The following PPARD variants were observed in gnomAD, a reference collection of about 807,000 sequenced individuals.
PPARD encodes peroxisome proliferator activated receptor delta.
PPARD carries 6 observed loss-of-function variants against 39.5 expected under a neutral mutation model. The ratio of observed to expected loss-of-function variants is 0.15; its 90% CI spans 0.08 to 0.30. PPARD has a LOEUF of 0.30. Ranked by LOEUF, PPARD falls within the 10% of genes least tolerant of loss-of-function variation. PPARD has a pLI of 1.00. For missense variants in PPARD, 397 were observed against 596.8 expected, an observed-to-expected ratio of 0.67 and a Z score of 3.49; for synonymous variants, 210 against 231.3, an observed-to-expected ratio of 0.91 and a Z score of 0.83.
rs60918770 is a variant in PPARD, at chr6:35,415,779, T to TGTGTGTGTGTGTGTGTGTGTGTGTGTGG, written c.131-4324_131-4323insGTGGGTGTGTGTGTGTGTGTGTGTGTGT. ...CAGGGTTCTCCAGAGAAGGAGAACCTGTGTGTGTGTGTGTGTGTGTGTGTT... is the reference window on the plus strand; with the variant it reads ...CAGGGTTCTCCAGAGAAGGAGAACCTGTGTGTGTGTGTGTGTGTGTGTGTGTGGGTGTGTGTGTGTGTGTGTGTGTGTT... On this transcript the variant is annotated intron_variant, in intron 3 of 7. Transcript: ENST00000360694. Among the ~76,000 whole-genome samples, 84 of 99,624 alleles carry TGTGTGTGTGTGTGTGTGTGTGTGTGTGG rather than the reference T, an allele frequency of 8.4e-4. 1 individual carries two copies. Among genetic ancestry groups the TGTGTGTGTGTGTGTGTGTGTGTGTGTGG allele is most frequent in the African/African-American group, 3.9e-3 (69 of 17,476 alleles). The allele number at this position is 99,624 out of a possible 152,430, so 65.4% of individuals were successfully genotyped here. A position where few individuals can be genotyped will look rare whatever the true frequency, so the allele number is the denominator to read the frequency against.
intron 2 of PPARD, among the ~76,000 whole-genome samples, chr6:35,395,122 A>G (rs1341459991): frequency 2.0e-5 from 3 of 152,228 alleles, no homozygotes; most frequent in Non-Finnish European, 4.4e-5. Flanking sequence ...ATTGGATTTC[A>G]GATGCATTGA....
chr6:35,423,054 CAAAAAAA>C (rs56317397), intron 5 of PPARD, among the ~76,000 whole-genome samples: 7,452 of 71,664 alleles, frequency 0.1, 264 homozygotes, highest in East Asian at 0.32. Flanking sequence ...CTCATCTCTA[CAAAAAAA>C]AAAAAAAAAA....
At position 35,424,201 on chromosome 6, in the gene PPARD, G is replaced by C. The variant is rs1766414284; in HGVS notation, c.627+53G>C. 7 of 1,603,286 alleles carry C rather than the reference G, an allele frequency of 4.4e-6. No individual in the cohort carries two copies. The highest frequency in any genetic ancestry group is 1.1e-5 in the South Asian group (1 of 90,434). On this transcript the variant is annotated intron_variant, in intron 6 of 7. Coordinates refer to ENST00000360694, the MANE Select transcript of PPARD (RefSeq NM_006238.5). The surrounding 1 kb of genome is among the most constrained non-coding windows in gnomAD (Gnocchi z 7.1). ...AGCATCCTGGGCTCTGGGTCCCACTGCCGCCTGCCTGACTCCGGGAGAGCC... is the reference window on the plus strand; with the variant it reads ...AGCATCCTGGGCTCTGGGTCCCACTCCCGCCTGCCTGACTCCGGGAGAGCC...
rs770284961 is a variant in PPARD, at chr6:35,411,165, C to T, written c.78C>T (p.Ala26=). 1 of 1,574,340 alleles carries T rather than the reference C, an allele frequency of 6.4e-7. No individual in the cohort carries two copies. Among genetic ancestry groups the T allele is most frequent in the Non-Finnish European group, 8.6e-7 (1 of 1,158,682 alleles). The change falls in exon 3 of 8, where the codon GCC becomes GCT. Residue 26 remains alanine (A), a synonymous_variant. Transcript: ENST00000360694. ...EKEEVAEAEG[A]PELNGGPQHA... is the part of the protein sequence containing the mutation. ...AGGAAGTGGCAGAGGCAGAAGGAGCCCCAGAGCTCAATGGGGGACCACAGC... is the reference window on the plus strand; with the variant it reads ...AGGAAGTGGCAGAGGCAGAAGGAGCTCCAGAGCTCAATGGGGGACCACAGC...
At chr6:35,422,798 C>T (rs747545206) in intron 5 of PPARD, among the ~76,000 whole-genome samples, 5 of 152,016 alleles carry the variant, frequency 3.3e-5, no homozygotes, top group East Asian at 1.9e-4. Context: ...CAGGAGAAGT[C>T]GAATTCGTAT....
In PPARD at chr6:35,363,662, G is replaced by A. The variant is rs182182707; in HGVS notation, c.-102+16512G>A. Among the ~76,000 whole-genome samples the A allele has an allele frequency of 1.1e-3, 170 of 152,232 alleles. No individual in the cohort carries two copies. Among genetic ancestry groups the A allele is most frequent in the African/African-American group, 3.6e-3 (148 of 41,540 alleles). ...CAAGAGTCAGAAAGTGGGAAGTCAC[G>A]GGGGAGATGAAGGGCGAGTGAGCAG... On this transcript the variant is annotated intron_variant, in intron 2 of 7. Transcript: ENST00000360694. This position sits in a 1 kb window ranked among gnomAD's most constrained non-coding sequence, Gnocchi z 4.5.
intron 2 of PPARD, among the ~76,000 whole-genome samples, chr6:35,407,681 TAAATA>T (rs538794690): frequency 0.014 from 2,044 of 147,776 alleles, 19 homozygotes; most frequent in Middle Eastern, 0.028. Context: ...AATAAATAAA[TAAATA>T]AAATAAAATA....
intron 2 of PPARD, among the ~76,000 whole-genome samples, chr6:35,359,049 G>A (rs1162070030): frequency 6.6e-6 from 1 of 152,204 alleles, no homozygotes; most frequent in Non-Finnish European, 1.5e-5. Flanking sequence ...CATTTAAGTG[G>A]AAAGAGGAGA....
In PPARD at chr6:35,425,697, T is replaced by C. The variant is rs1363582298; in HGVS notation, c.1079-135T>C. The C allele has an allele frequency of 1.5e-6, 2 of 1,323,474 alleles. No homozygotes were observed. The highest frequency in any genetic ancestry group is 1.5e-5 in the African/African-American group (1 of 68,138). 82.0% of individuals were successfully genotyped at this position (1,323,474 alleles called of 1,614,324 possible). A position where few individuals can be genotyped will look rare whatever the true frequency, so the allele number is the denominator to read the frequency against. On this transcript the variant is annotated intron_variant, in intron 7 of 7. Transcript: ENST00000360694. The surrounding 1 kb of genome is among the most constrained non-coding windows in gnomAD (Gnocchi z 4.5). ...GGAGATTAGAACACCCAGTGGAGCA[T>C]TGCTGATGGGACAGGGCTTGGTCTG...
Position 35,401,015 on chromosome 6 carries a change from C to G in PPARD, c.-101-9972C>G, listed in dbSNP as rs1764665101. 1.3e-5 allele frequency among the ~76,000 whole-genome samples: 2 copies of G among 152,096 alleles called. No homozygotes were observed. The highest frequency in any genetic ancestry group is 1.3e-4 in the Admixed American group (2 of 15,276). On this transcript the variant is annotated intron_variant, in intron 2 of 7. Transcript: ENST00000360694. This position sits in a 1 kb window ranked among gnomAD's most constrained non-coding sequence, Gnocchi z 4.1. ...GCAGTGCCAAGCGCCACGTCTGCTC[C>G]CCAGATACCTGTGTTTGTATGTGTG...
intron 2 of PPARD, among the ~76,000 whole-genome samples, chr6:35,362,869 TTC>T (rs1188558476): frequency 6.6e-6 from 1 of 152,170 alleles, no homozygotes; most frequent in Non-Finnish European, 1.5e-5. Flanking sequence ...TTTCCAGAGA[TTC>T]TCTCTTTTTC....
chr6:35,356,963 A>G (rs1330451556), intron 2 of PPARD, among the ~76,000 whole-genome samples: 1 of 152,216 alleles, frequency 6.6e-6, no homozygotes, highest in East Asian at 1.9e-4. Flanking sequence ...GCATATTCCA[A>G]TGAAGAAAGA....
At chr6:35,348,012 A>G (rs1050540757) in intron 2 of PPARD, among the ~76,000 whole-genome samples, 1 of 146,188 alleles carries the variant, frequency 6.8e-6, no homozygotes, top group Admixed American at 6.9e-5. Context: ...GGTTCAAGCG[A>G]TTCTCCTACC....
At chr6:35,348,006 C>T (rs946477042) in intron 2 of PPARD, among the ~76,000 whole-genome samples, 3 of 150,884 alleles carry the variant, frequency 2.0e-5, no homozygotes, top group African/African-American at 7.3e-5. Flanking sequence ...CTCTTAGGTT[C>T]AAGCGATTCT....
In PPARD at chr6:35,420,136, G is replaced by A. The variant is rs375484823; in HGVS notation, c.140G>A (p.Arg47Gln). The A allele has an allele frequency of 2.5e-5, 41 of 1,612,680 alleles. No homozygotes were observed. Among genetic ancestry groups the A allele is most frequent in the Admixed American group, 1.2e-4 (7 of 59,938 alleles). ...LPSSSYTDLS[R>Q]SSSPPSLLDQ... ...CATCGTGTGTCCGCAGACCTCTCCCGGAGCTCCTCGCCACCCTCACTGCTG... is the reference window on the plus strand; with the variant it reads ...CATCGTGTGTCCGCAGACCTCTCCCAGAGCTCCTCGCCACCCTCACTGCTG... Residue 47 changes from arginine (R) to glutamine (Q), a missense_variant, in exon 4 of 8, where the codon CGG becomes CAG. Physicochemically the swap from Arg to Gln is conservative, Grantham distance 43. Coordinates refer to ENST00000360694, the MANE Select transcript of PPARD (RefSeq NM_006238.5).
intron 2 of PPARD, among the ~76,000 whole-genome samples, chr6:35,349,990 C>T (rs1366938525): frequency 6.6e-6 from 1 of 152,162 alleles, no homozygotes; most frequent in Non-Finnish European, 1.5e-5. Flanking sequence ...GATCTGCCTG[C>T]CTCAGCCTCC....
intron 2 of PPARD, among the ~76,000 whole-genome samples, chr6:35,375,348 G>T (rs1762754356): frequency 6.6e-6 from 1 of 150,468 alleles, no homozygotes; most frequent in South Asian, 2.1e-4. Context: ...CTCCCAAGTA[G>T]CTGGGACTAC....
Position 35,397,421 on chromosome 6 carries a change from C to T in PPARD, c.-101-13566C>T, listed in dbSNP as rs1161801212. 6.1e-6 allele frequency: 3 copies of T among 489,416 alleles called. No individual in the cohort carries two copies. The East Asian group carries it at 4.6e-4, about 75-fold the overall frequency. 30.3% of individuals were successfully genotyped at this position (489,416 alleles called of 1,614,324 possible). Reference sequence around the variant, plus strand: ...AAAGAACTAGCCAGACGCTGCTAGGCCCCTCAGGCTTCTAGATTCGCTCTC... The same window carrying T: ...AAAGAACTAGCCAGACGCTGCTAGGTCCCTCAGGCTTCTAGATTCGCTCTC... On this transcript the variant is annotated intron_variant, in intron 2 of 7. Transcript: ENST00000360694.
intron 1 of PPARD, among the ~76,000 whole-genome samples, chr6:35,344,381 G>T (rs1792046398): frequency 6.6e-6 from 1 of 151,910 alleles, no homozygotes; most frequent in Non-Finnish European, 1.5e-5. Flanking sequence ...TCAGGAACTT[G>T]AGCAGACACA....
Sources: gnomAD v4.1 joint callset for allele counts (sites outside exome capture counted in the v4.1 genomes callset) on GRCh38, gnomAD v4.1.1 for gene constraint, Gnocchi (gnomAD v3.1) non-coding constraint, MANE v1.5 for transcripts, NCBI Gene and HGNC (gene_info 2026-07-23, HGNC 2026-07-21) for gene names.